OSBP2: variants seen among roughly 807,000 people sequenced by gnomAD.
The protein encoded by OSBP2 is oxysterol-binding protein 2.
A neutral mutation model predicts 96.0 loss-of-function variants in OSBP2; 66 were observed. That is an observed-to-expected ratio of 0.69 (90% CI 0.56 to 0.84). The LOEUF is 0.84. OSBP2 is among the 40% of genes least tolerant of loss of function. The pLI, the probability that OSBP2 is intolerant of heterozygous loss-of-function variation, is 0.00. For synonymous variants in OSBP2, 525 were observed against 520.9 expected (o/e 1.01, Z -0.11); for missense variants, 1,038 against 1,222.7 (o/e 0.85, Z 2.25).
At chr22:30,720,709 A>C (rs567787061) in intron 1 of OSBP2, among the ~76,000 whole-genome samples, 2 of 152,322 alleles carry the variant, frequency 1.3e-5, no homozygotes, top group East Asian at 3.9e-4. Context: ...CATAAGTGTA[A>C]GGGATATTTT....
At chr22:30,714,702 T>C (rs1467617417) in intron 1 of OSBP2, among the ~76,000 whole-genome samples, 1 of 152,132 alleles carries the variant, frequency 6.6e-6, no homozygotes, top group Non-Finnish European at 1.5e-5. Context: ...CTGCAACCTC[T>C]GCCTCCCGGG....
At chr22:30,904,095 C>A (rs1232882112) in intron 12 of OSBP2, among the ~76,000 whole-genome samples, 4 of 152,192 alleles carry the variant, frequency 2.6e-5, no homozygotes, top group Non-Finnish European at 5.9e-5. Flanking sequence ...ACCCAAATCC[C>A]AGTCTTCCCT....
intron 2 of OSBP2, among the ~76,000 whole-genome samples, chr22:30,754,377 T>C (rs2090115663): frequency 6.6e-6 from 1 of 152,218 alleles, no homozygotes; most frequent in Admixed American, 6.5e-5. Flanking sequence ...CAGGCTTTGA[T>C]TGGTGTCCTT....
intron 2 of OSBP2, among the ~76,000 whole-genome samples, chr22:30,794,595 T>C (rs886244134): frequency 1.3e-5 from 2 of 151,978 alleles, no homozygotes; most frequent in Non-Finnish European, 2.9e-5. Context: ...AAGGAGATTA[T>C]AATATGAATA....
At chr22:30,868,233 G>A (rs1325674256) in intron 2 of OSBP2, among the ~76,000 whole-genome samples, 1 of 152,254 alleles carries the variant, frequency 6.6e-6, no homozygotes, top group Admixed American at 6.5e-5. Flanking sequence ...AGACAGAGCT[G>A]GACTCAGATC....
chr22:30,760,183 A>G (rs1195204154), intron 2 of OSBP2, among the ~76,000 whole-genome samples: 2 of 139,622 alleles, frequency 1.4e-5, no homozygotes, highest in African/African-American at 2.7e-5. Flanking sequence ...TTTTTTTTTG[A>G]GACAGAGTCT....
intron 2 of OSBP2, among the ~76,000 whole-genome samples, chr22:30,776,678 G>T (rs2090442309): frequency 6.6e-6 from 1 of 151,846 alleles, no homozygotes; most frequent in Admixed American, 6.6e-5. Context: ...TGGGTCAAGT[G>T]CATGCTTCAC....
At chr22:30,906,131 G>T in intron 13 of OSBP2, 62 bp downstream of exon 13, 1 of 1,610,198 alleles carries the variant, frequency 6.2e-7, no homozygotes, top group Non-Finnish European at 8.5e-7. Flanking sequence ...TGGGGGTGCC[G>T]CAGGGACGGA....
At chr22:30,781,087 T>C (rs1051026206) in intron 2 of OSBP2, among the ~76,000 whole-genome samples, 5 of 151,680 alleles carry the variant, frequency 3.3e-5, no homozygotes, top group African/African-American at 1.2e-4. Context: ...GCAATTCTCC[T>C]GTCTCAGCCT....
chr22:30,694,261 G>C, upstream of OSBP2: 1 of 1,549,834 alleles, frequency 6.5e-7, no homozygotes, highest in Non-Finnish European at 8.7e-7. Context: ...TGAACCGTAG[G>C]CCAGCTGGCT....
chr22:30,782,124 C>T (rs111499031), intron 2 of OSBP2, among the ~76,000 whole-genome samples: 34 of 152,140 alleles, frequency 2.2e-4, no homozygotes, highest in African/African-American at 8.2e-4. Flanking sequence ...CCAGCCACGG[C>T]GGCAGAGTGA....
chr22:30,737,945 C>G lies in OSBP2; in HGVS notation c.645-3216C>G, dbSNP rs2089880558. Among the ~76,000 whole-genome samples the G allele has an allele frequency of 2.6e-5, 4 of 152,186 alleles. No homozygotes were observed. The South Asian group carries it at 8.3e-4, about 32-fold the overall frequency. On this transcript the variant is annotated intron_variant, in intron 1 of 13. Coordinates refer to ENST00000332585, the MANE Select transcript of OSBP2 (RefSeq NM_030758.4). Reference sequence around the variant, plus strand: ...GCCAGGCTGGTCTCAAACTCCTGACCTCGTGATCCACCCGGCTCGGCCTCC... The same window carrying G: ...GCCAGGCTGGTCTCAAACTCCTGACGTCGTGATCCACCCGGCTCGGCCTCC...
chr22:30,805,523 A>T (rs2090917094), intron 2 of OSBP2, among the ~76,000 whole-genome samples: 1 of 152,228 alleles, frequency 6.6e-6, no homozygotes, highest in South Asian at 2.1e-4. Context: ...ATCATCTGTA[A>T]AACGGAGAAA....
At chr22:30,727,266 G>C (rs1275782144) in intron 1 of OSBP2, among the ~76,000 whole-genome samples, 1 of 152,220 alleles carries the variant, frequency 6.6e-6, no homozygotes, top group Non-Finnish European at 1.5e-5. Context: ...CTGAGAGGTA[G>C]AAGAACTGAA....
At chr22:30,774,525 C>T (rs2090403239) in intron 2 of OSBP2, among the ~76,000 whole-genome samples, 10 of 152,210 alleles carry the variant, frequency 6.6e-5, no homozygotes, top group Admixed American at 6.5e-4. Flanking sequence ...TGTCCCTAAA[C>T]ATTTCTGCCT....
intron 3 of OSBP2, among the ~76,000 whole-genome samples, chr22:30,883,514 C>G (rs993835161): frequency 2.0e-5 from 3 of 152,224 alleles, no homozygotes; most frequent in African/African-American, 7.2e-5. Flanking sequence ...GAACAGGTGG[C>G]TGGAACCAAG....
chr22:30,760,311 A>G (rs2145771227), intron 2 of OSBP2, among the ~76,000 whole-genome samples: 1 of 152,242 alleles, frequency 6.6e-6, no homozygotes, highest in Non-Finnish European at 1.5e-5. Flanking sequence ...TAAGGACAGC[A>G]TACCCTGATA....
intron 2 of OSBP2, among the ~76,000 whole-genome samples, chr22:30,813,463 T>G (rs1479420256): frequency 6.6e-6 from 1 of 152,028 alleles, no homozygotes; most frequent in East Asian, 1.9e-4. Context: ...CGTGAGCCAC[T>G]GCGCCCAGCC....
intron 2 of OSBP2, among the ~76,000 whole-genome samples, chr22:30,766,529 A>T (rs1280242836): frequency 6.6e-6 from 1 of 152,196 alleles, no homozygotes; most frequent in East Asian, 1.9e-4. Flanking sequence ...GTGTCCAGGC[A>T]TTCAGGCCTG....
Sources: allele counts gnomAD v4.1 joint callset (sites outside exome capture counted in the v4.1 genomes callset), GRCh38; gene constraint gnomAD v4.1.1; transcripts MANE v1.5; gene names NCBI Gene and HGNC (gene_info 2026-07-23, HGNC 2026-07-21).